HORMAD2: variants seen among roughly 807,000 people sequenced by gnomAD.
HORMAD2 encodes HORMA domain-containing protein 2.
A neutral mutation model predicts 38.8 loss-of-function variants in HORMAD2; 45 were observed. That is an observed-to-expected ratio of 1.16 (90% CI 0.91 to 1.49). The LOEUF (loss-of-function observed/expected upper bound fraction) is 1.49, where lower values mean the gene tolerates loss of function less well. Ranked by LOEUF, HORMAD2 falls within the 40% of genes most tolerant of loss-of-function variation. The probability of loss-of-function intolerance (pLI) is 0.00; values close to 1 mark genes in which losing one functional copy is unlikely to be tolerated. For missense variants in HORMAD2, 338 were observed against 367.0 expected (o/e 0.92, Z 0.65); for synonymous variants, 126 against 122.8 (o/e 1.03, Z -0.17).
chr22:30,160,303 A>G (rs970501026), intron 10 of HORMAD2, among the ~76,000 whole-genome samples: 7 of 151,910 alleles, frequency 4.6e-5, no homozygotes, highest in African/African-American at 1.7e-4. Flanking sequence ...GGAGGAAAAT[A>G]TGTATTCTCT....
At chr22:30,084,222 A>G (rs2068531808) in intron 1 of HORMAD2, among the ~76,000 whole-genome samples, 1 of 152,230 alleles carries the variant, frequency 6.6e-6, no homozygotes, top group African/African-American at 2.4e-5. Context: ...TGGGAAGTCC[A>G]AGAACAAGGA....
chr22:30,114,770 G>C (rs1921919158), intron 7 of HORMAD2, among the ~76,000 whole-genome samples: 1 of 152,204 alleles, frequency 6.6e-6, no homozygotes, highest in South Asian at 2.1e-4. Context: ...CCCTAGTTCA[G>C]AAGGCCAACT....
intron 10 of HORMAD2, among the ~76,000 whole-genome samples, chr22:30,172,619 G>T (rs1926178552): frequency 6.6e-6 from 1 of 152,302 alleles, no homozygotes; most frequent in Admixed American, 6.5e-5. Context: ...TGGGCACAGT[G>T]GCTCATGCCT....
intron 10 of HORMAD2, among the ~76,000 whole-genome samples, chr22:30,165,532 T>C (rs761003267): frequency 2.6e-5 from 4 of 152,218 alleles, no homozygotes; most frequent in Non-Finnish European, 4.4e-5. Flanking sequence ...TTTCAATCTA[T>C]GAATGCAGAT....
the HORMAD2 span, among the ~76,000 whole-genome samples, chr22:30,202,128 A>G: frequency 6.6e-6 from 1 of 152,000 alleles, no homozygotes. Flanking sequence ...CTCATCCTTC[A>G]CTCATCTAAC....
the HORMAD2 span, among the ~76,000 whole-genome samples, chr22:30,205,045 G>A: frequency 6.6e-6 from 1 of 152,148 alleles, no homozygotes; most frequent in Non-Finnish European, 1.5e-5. Context: ...AACCGCTGCT[G>A]GGCCTCAGTT....
the HORMAD2 span, among the ~76,000 whole-genome samples, chr22:30,202,120 C>A: frequency 1.3e-5 from 2 of 152,184 alleles, no homozygotes; most frequent in Non-Finnish European, 2.9e-5. Flanking sequence ...TAACTTACCT[C>A]ATCCTTCACT....
chr22:30,155,647 A>G (rs528541803), intron 10 of HORMAD2, among the ~76,000 whole-genome samples: 2 of 151,238 alleles, frequency 1.3e-5, no homozygotes, highest in South Asian at 2.1e-4. Context: ...GAATATATGT[A>G]TGTACACAAC....
At chr22:30,133,429 A>G (rs920662825) in intron 10 of HORMAD2, among the ~76,000 whole-genome samples, 1 of 150,166 alleles carries the variant, frequency 6.7e-6, no homozygotes, top group Admixed American at 6.7e-5. Flanking sequence ...TTTCTTCTGG[A>G]TTTGGCAGAC....
intron 6 of HORMAD2, 36 bp downstream of exon 6, chr22:30,111,852 C>T (rs1320045349): frequency 3.9e-6 from 6 of 1,524,774 alleles, no homozygotes; most frequent in South Asian, 3.8e-5. Flanking sequence ...AAGCCTCTGT[C>T]TCTATTTCAT....
chr22:30,112,994 C>T (rs898601155), intron 7 of HORMAD2, among the ~76,000 whole-genome samples: 9 of 151,978 alleles, frequency 5.9e-5, no homozygotes, highest in African/African-American at 1.2e-4. Flanking sequence ...TCCCTCTTTT[C>T]GTGTTTTTAT....
intron 10 of HORMAD2, among the ~76,000 whole-genome samples, chr22:30,170,386 T>A (rs898370695): frequency 6.6e-6 from 1 of 152,184 alleles, no homozygotes; most frequent in East Asian, 1.9e-4. Flanking sequence ...CTGCCTTTCC[T>A]GTGTCACAAC....
rs1469143560 is a variant in HORMAD2 at position 30,106,218 on chromosome 22, C to T, written c.294+1781C>T. Among the ~76,000 whole-genome samples the T allele has an allele frequency of 2.0e-5, 3 of 152,100 alleles. No individual in the cohort carries two copies. In the East Asian group the frequency reaches 5.8e-4, roughly 29 times the overall value. ...TAGAGATGGGGTTTCACCATGTTGGCTAGGCTTCTCTCGAACTCCTGACCT... is the reference window on the plus strand; with the variant it reads ...TAGAGATGGGGTTTCACCATGTTGGTTAGGCTTCTCTCGAACTCCTGACCT... On this transcript the variant is annotated intron_variant, in intron 5 of 10. Coordinates refer to ENST00000336726, the MANE Select transcript of HORMAD2 (RefSeq NM_152510.4).
At chr22:30,111,006 A>G (rs1469720934) in intron 5 of HORMAD2, among the ~76,000 whole-genome samples, 1 of 151,690 alleles carries the variant, frequency 6.6e-6, no homozygotes, top group East Asian at 2.0e-4. Context: ...AAATACAAAA[A>G]TTAGCTGGGC....
intron 7 of HORMAD2, among the ~76,000 whole-genome samples, chr22:30,113,582 G>A (rs1194860719): frequency 6.6e-6 from 1 of 152,034 alleles, no homozygotes; most frequent in African/African-American, 2.4e-5. Context: ...TCATAGTCTT[G>A]GACACATAAT....
intron 8 of HORMAD2, among the ~76,000 whole-genome samples, chr22:30,120,211 C>T (rs1922337464): frequency 6.6e-6 from 1 of 152,152 alleles, no homozygotes. Flanking sequence ...GAAATATAGG[C>T]ATTTGTTTAA....
At chr22:30,089,837 C>A (rs1452602762) in intron 1 of HORMAD2, among the ~76,000 whole-genome samples, 1 of 152,200 alleles carries the variant, frequency 6.6e-6, no homozygotes, top group Non-Finnish European at 1.5e-5. Context: ...CTAAAACCTT[C>A]TCATCATCGT....
At chr22:30,085,074 A>T (rs983545046) in intron 1 of HORMAD2, among the ~76,000 whole-genome samples, 1 of 151,158 alleles carries the variant, frequency 6.6e-6, no homozygotes, top group Non-Finnish European at 1.5e-5. Context: ...TGAACCCGGG[A>T]GGTGGGTCTT....
At chr22:30,090,357 C>T (rs549636302) in intron 1 of HORMAD2, among the ~76,000 whole-genome samples, 4 of 152,158 alleles carry the variant, frequency 2.6e-5, no homozygotes, top group South Asian at 2.1e-4. Context: ...AAGGAGACCC[C>T]GTCTCAAAAA....
Sources: gnomAD v4.1 joint callset for allele counts (sites outside exome capture counted in the v4.1 genomes callset) on GRCh38, gnomAD v4.1.1 for gene constraint, MANE v1.5 for transcripts, NCBI Gene and HGNC (gene_info 2026-07-23, HGNC 2026-07-21) for gene names.